The following FAM3B variants were observed in gnomAD, a reference collection of about 807,000 sequenced individuals.
The protein encoded by FAM3B is protein FAM3B.
A neutral mutation model predicts 28.4 loss-of-function variants in FAM3B; 29 were observed. The ratio of observed to expected loss-of-function variants is 1.02; its 90% confidence interval spans 0.76 to 1.39. The LOEUF is 1.39. Ranked by LOEUF, FAM3B falls within the 40% of genes most tolerant of loss-of-function variation. The pLI is 0.00. For synonymous variants in FAM3B, 91 were observed against 103.0 expected, an observed-to-expected ratio of 0.88 and a Z score of 0.71; for missense variants, 266 against 293.9, an observed-to-expected ratio of 0.91 and a Z score of 0.69.
chr21:41,324,497 T>G (rs1025707459), intron 2 of FAM3B, among the ~76,000 whole-genome samples: 3 of 152,204 alleles, frequency 2.0e-5, no homozygotes, highest in Non-Finnish European at 4.4e-5. Context: ...ATACATAGAT[T>G]ATCTGTAAGT....
At chr21:41,310,458 C>G (rs997322739) in intron 1 of FAM3B, among the ~76,000 whole-genome samples, 2 of 152,138 alleles carry the variant, frequency 1.3e-5, no homozygotes, top group African/African-American at 4.8e-5. Flanking sequence ...GGCACAAGTT[C>G]CATATCTGTG....
At chr21:41,331,262 T>C (rs1464630307) in intron 2 of FAM3B, among the ~76,000 whole-genome samples, 1 of 152,366 alleles carries the variant, frequency 6.6e-6, no homozygotes, top group South Asian at 2.1e-4. Flanking sequence ...AAGTTCTTTA[T>C]CCATTTTTCA....
intron 7 of FAM3B, among the ~76,000 whole-genome samples, chr21:41,351,228 A>G (rs568334569): frequency 6.6e-6 from 1 of 152,358 alleles, no homozygotes; most frequent in South Asian, 2.1e-4. Flanking sequence ...TTCATATGAA[A>G]GAGTTTCTGG....
At chr21:41,341,397 C>G (rs1427632440) in intron 3 of FAM3B, among the ~76,000 whole-genome samples, 1 of 152,248 alleles carries the variant, frequency 6.6e-6, no homozygotes, top group Non-Finnish European at 1.5e-5. Flanking sequence ...TAGACTATCA[C>G]TAGCACCCCA....
upstream of FAM3B, among the ~76,000 whole-genome samples, chr21:41,313,401 CT>C (rs1332661286): frequency 2.6e-5 from 4 of 152,266 alleles, no homozygotes; most frequent in African/African-American, 4.8e-5. Flanking sequence ...GGGGAAACCA[CT>C]GTTCTGACTT....
upstream of FAM3B, among the ~76,000 whole-genome samples, chr21:41,314,069 T>A (rs2088730849): frequency 6.6e-6 from 1 of 152,046 alleles, no homozygotes; most frequent in South Asian, 2.1e-4. Context: ...TTTGGGGTGG[T>A]TGGAGATAGG....
In FAM3B at chr21:41,308,499, G is replaced by A. The variant is rs115349255; in HGVS notation, n.99+4189G>A. On this transcript the variant is annotated intron_variant and non_coding_transcript_variant, in intron 1 of 9. Coordinates refer to the FAM3B transcript ENST00000479810. ...AGTAGCAAAGGCAACGAGTTTGGGTGCCAGTCTTTTGATTGTTGGTTTTTG... is the reference window on the plus strand; with the variant it reads ...AGTAGCAAAGGCAACGAGTTTGGGTACCAGTCTTTTGATTGTTGGTTTTTG... Among the ~76,000 whole-genome samples, 527 of 151,682 alleles carry A rather than the reference G, an allele frequency of 3.5e-3. 2 individuals carry two copies. The highest frequency in any genetic ancestry group is 0.012 in the African/African-American group (506 of 41,354).
intron 7 of FAM3B, among the ~76,000 whole-genome samples, chr21:41,356,855 C>G (rs1481081552): frequency 1.3e-5 from 2 of 152,138 alleles, no homozygotes; most frequent in Non-Finnish European, 2.9e-5. Context: ...TGATGGATAT[C>G]CCAGTGACCC....
At chr21:41,355,312 C>T (rs2089155654) in intron 7 of FAM3B, among the ~76,000 whole-genome samples, 1 of 152,154 alleles carries the variant, frequency 6.6e-6, no homozygotes, top group African/African-American at 2.4e-5. Context: ...CCAACAGTTC[C>T]TCTTGTAGGT....
At chr21:41,311,525 C>T (rs2123685295) in intron 1 of FAM3B, among the ~76,000 whole-genome samples, 1 of 150,898 alleles carries the variant, frequency 6.6e-6, no homozygotes, top group East Asian at 2.0e-4. Flanking sequence ...AAAAACAATA[C>T]AACCATTGCC....
intron 1 of FAM3B, among the ~76,000 whole-genome samples, chr21:41,317,710 G>C (rs66817580): frequency 6.6e-6 from 1 of 151,948 alleles, no homozygotes; most frequent in Non-Finnish European, 1.5e-5. Context: ...TCACTTCCTG[G>C]TCCTGGATCC....
At chr21:41,348,119 G>A (rs1353428335) in intron 6 of FAM3B, among the ~76,000 whole-genome samples, 2 of 152,136 alleles carry the variant, frequency 1.3e-5, no homozygotes, top group African/African-American at 4.8e-5. Flanking sequence ...AAATCTTAAT[G>A]TTTGCAGTGG....
At chr21:41,310,919 T>C (rs1179313705) in intron 1 of FAM3B, among the ~76,000 whole-genome samples, 2 of 152,122 alleles carry the variant, frequency 1.3e-5, no homozygotes, top group African/African-American at 4.8e-5. Context: ...ATTTCACGTA[T>C]TTTTTTAAAA....
intron 3 of FAM3B, among the ~76,000 whole-genome samples, chr21:41,343,853 C>T (rs1200576966): frequency 3.3e-5 from 5 of 152,322 alleles, no homozygotes; most frequent in Middle Eastern, 3.4e-3. Flanking sequence ...CATGGTGGCT[C>T]ATGTCTATAA....
At chr21:41,319,002 C>T (rs562455005) in intron 1 of FAM3B, among the ~76,000 whole-genome samples, 3 of 152,212 alleles carry the variant, frequency 2.0e-5, no homozygotes, top group Non-Finnish European at 2.9e-5. Flanking sequence ...ACGAAATCCT[C>T]CTGCCTCAGC....
intron 3 of FAM3B, among the ~76,000 whole-genome samples, chr21:41,340,132 CA>C (rs1271040444): frequency 6.1e-5 from 9 of 148,024 alleles, no homozygotes; most frequent in African/African-American, 2.0e-4. Context: ...GAGAGAGAGG[CA>C]AAAGGGGACT....
chr21:41,306,046 A>G (rs989240101), intron 1 of FAM3B, among the ~76,000 whole-genome samples: 5 of 152,258 alleles, frequency 3.3e-5, no homozygotes, highest in Admixed American at 6.5e-5. Context: ...CATTTCAACA[A>G]TGTTTACAGC....
chr21:41,317,356 T>G (rs12627105), intron 1 of FAM3B, among the ~76,000 whole-genome samples: 4 of 150,702 alleles, frequency 2.7e-5, no homozygotes. Flanking sequence ...CCGCTGCCAG[T>G]TGGTAAGGCT....
intron 2 of FAM3B, among the ~76,000 whole-genome samples, chr21:41,333,875 A>G (rs1009738278): frequency 2.0e-5 from 3 of 152,180 alleles, no homozygotes; most frequent in African/African-American, 7.2e-5. Context: ...ATGGATGGTG[A>G]AGGCCAGGTT....
Sources: gnomAD v4.1 joint callset for allele counts (sites outside exome capture counted in the v4.1 genomes callset) on GRCh38, gnomAD v4.1.1 for gene constraint, MANE v1.5 for transcripts, NCBI Gene and HGNC (gene_info 2026-07-23, HGNC 2026-07-21) for gene names.